Variants in IRF5 observed in about 807,000 individuals in gnomAD.
IRF5 encodes the protein interferon regulatory factor 5.
A neutral mutation model predicts 55.1 loss-of-function variants in IRF5; 24 were observed. The observed-to-expected ratio is 0.44, with a 90% CI of 0.32 to 0.61. The LOEUF is 0.61. Among genes scored for constraint, IRF5 ranks in the 20% least tolerant of loss-of-function variants. The probability of loss-of-function intolerance (pLI) is 0.07; values close to 1 mark genes in which losing one functional copy is unlikely to be tolerated. For missense variants in IRF5, 499 were observed against 658.5 expected, an observed-to-expected ratio of 0.76 and a Z score of 2.65; for synonymous variants, 258 against 260.2, an observed-to-expected ratio of 0.99 and a Z score of 0.08.
In IRF5 at chr7:128,948,089, C is replaced by T; in HGVS notation, c.1148C>T (p.Thr383Ile). The T allele has an allele frequency of 6.2e-7, 1 of 1,614,130 alleles. No homozygotes were observed. Among genetic ancestry groups the T allele is most frequent in the Admixed American group, 1.7e-5 (1 of 60,016 alleles). The change falls in exon 7 of 9, where the codon ACC (threonine) becomes ATC (isoleucine). Residue 383 changes from threonine to isoleucine, a missense_variant. Thr to Ile is a moderately conservative substitution (Grantham distance 89). Around this residue, in one of 2 missense-constraint regions of IRF5, gnomAD observed 194 missense variants for 318.3 expected, o/e 0.61. Coordinates refer to ENST00000357234, the MANE Select transcript of IRF5 (RefSeq NM_001098629.3). The surrounding 1 kb of genome is among the most constrained non-coding windows in gnomAD (Gnocchi z 4.6). ...AACCCCATCCAGCGGGAGGTCAAGA[C>T]CAAGCTTTTCAGCCTGGAGCATTTT... is the stretch of plus-strand genomic sequence containing the variant. ...CPNPIQREVKTKLFSLEHFLN... is the reference protein window; with the variant it reads ...CPNPIQREVKIKLFSLEHFLN...
chr7:128,939,021 A>T (rs1585287027), intron 1 of IRF5, among the ~76,000 whole-genome samples: 1 of 64,784 alleles, frequency 1.5e-5, no homozygotes, highest in African/African-American at 6.3e-5. Context: ...GGTGTGCCCC[A>T]GCGGAGCACG....
Position 128,943,023 on chromosome 7 carries a change from A to ATTTTTTTTTTTT in IRF5, c.195+764_195+775dup, listed in dbSNP as rs34539872. The ATTTTTTTTTTTT allele has an allele frequency of 8.1e-5, 7 of 86,912 alleles. 2 individuals are homozygous for ATTTTTTTTTTTT. The highest frequency in any genetic ancestry group is 3.8e-4 in the African/African-American group (7 of 18,348). 5.4% of individuals were successfully genotyped at this position (86,912 alleles called of 1,614,324 possible). On this transcript the variant is annotated intron_variant, in intron 2 of 8. Transcript: ENST00000357234. ...GCCTCACACTGTTGACCAGATTCCA[A>ATTTTTTTTTTTT]TTTTTTTTTTTTTTTTTTTTTTTTT...
In IRF5 at chr7:128,947,263, A is replaced by C; in HGVS notation, c.515A>C (p.Tyr172Ser). 2 of 1,610,782 alleles carry C rather than the reference A, an allele frequency of 1.2e-6. No homozygotes were observed. The highest frequency in any genetic ancestry group is 1.7e-6 in the Non-Finnish European group (2 of 1,178,678). ...AVQSGPHMTP[Y>S]SLLKEDVKWP... Reference sequence around the variant, plus strand: ...CAGTCTGGCCCCCACATGACACCCTATTCTTTACTCAAAGAGGATGTCAAG... The same window carrying C: ...CAGTCTGGCCCCCACATGACACCCTCTTCTTTACTCAAAGAGGATGTCAAG... Residue 172 changes from tyrosine (Y) to serine (S), a missense_variant, in exon 6 of 9, where the codon TAT (tyrosine) becomes TCT (serine). By Grantham distance (144) the Tyr-to-Ser change is moderately radical (BLOSUM62 -2). Transcript: ENST00000357234. The surrounding 1 kb of genome is among the most constrained non-coding windows in gnomAD (Gnocchi z 6.5).
At chr7:128,945,761 TAG>T in intron 2 of IRF5, 82 bp from the exon 3 acceptor site, 4 of 1,352,440 alleles carry the variant, frequency 3.0e-6, no homozygotes, top group Non-Finnish European at 4.0e-6. Context: ...CCCCACACAG[TAG>T]AGTCTCCTAT....
Position 128,946,444 on chromosome 7 carries a change from G to A in IRF5, c.386-57G>A. The A allele has an allele frequency of 6.4e-7, 1 of 1,558,904 alleles. No homozygotes were observed. Among genetic ancestry groups the A allele is most frequent in the Non-Finnish European group, 8.7e-7 (1 of 1,150,252 alleles). The stretch of plus-strand genomic sequence containing the variant: ...TACAGGCAGCCTCTCAGGGGATCTT[G>A]CTTCTCCTCCGACATTGACTCCTTT... On this transcript the variant is annotated intron_variant, in intron 3 of 8. Coordinates refer to ENST00000357234, the MANE Select transcript of IRF5 (RefSeq NM_001098629.3). The surrounding 1 kb of genome is among the most constrained non-coding windows in gnomAD (Gnocchi z 4.2).
At chr7:128,939,752 G>A (rs1394221966) in intron 1 of IRF5, among the ~76,000 whole-genome samples, 4 of 152,336 alleles carry the variant, frequency 2.6e-5, no homozygotes, top group African/African-American at 9.6e-5. Context: ...CTCTAGGGCT[G>A]CCCACTGGAT....
chr7:128,946,069 G>A lies in IRF5; in HGVS notation c.385+35G>A. The A allele has an allele frequency of 6.5e-7, 1 of 1,541,658 alleles. No homozygotes were observed. The highest frequency in any genetic ancestry group is 8.7e-7 in the Non-Finnish European group (1 of 1,146,570). Reference sequence around the variant, plus strand: ...CTAGCCCTCTGTGGGCCACCTGGGAGGCTGTGCAATGTCCTGGCCCCCAGC... The same window carrying A: ...CTAGCCCTCTGTGGGCCACCTGGGAAGCTGTGCAATGTCCTGGCCCCCAGC... On this transcript the variant is annotated intron_variant, in intron 3 of 8. Coordinates refer to ENST00000357234, the MANE Select transcript of IRF5 (RefSeq NM_001098629.3). The surrounding 1 kb of genome is among the most constrained non-coding windows in gnomAD (Gnocchi z 4.2).
At position 128,948,765 on chromosome 7, in the gene IRF5, G is replaced by C; in HGVS notation, c.1492G>C (p.Gly498Arg). 1 of 1,611,358 alleles carries C rather than the reference G, an allele frequency of 6.2e-7. No individual in the cohort carries two copies. Among genetic ancestry groups the C allele is most frequent in the African/African-American group, 1.3e-5 (1 of 75,066 alleles). The change falls in exon 9 of 9, where the codon GGC becomes CGC. Residue 498 changes from glycine to arginine, a missense_variant. Transcript: ENST00000357234. The surrounding 1 kb of genome is among the most constrained non-coding windows in gnomAD (Gnocchi z 4.6). ...TGTGGCCCAGGCCCCTCCTGGAGCAGGCCTTGGTGTTGGCCAGGGGCCCTG... is the reference window on the plus strand; with the variant it reads ...TGTGGCCCAGGCCCCTCCTGGAGCACGCCTTGGTGTTGGCCAGGGGCCCTG... ...QPVAQAPPGAGLGVGQGPWPM... is the reference protein window; with the variant it reads ...QPVAQAPPGARLGVGQGPWPM...
chr7:128,945,375 G>A (rs1475758332), intron 2 of IRF5, among the ~76,000 whole-genome samples: 2 of 152,246 alleles, frequency 1.3e-5, no homozygotes, highest in Middle Eastern at 3.4e-3. Flanking sequence ...CAAAATGTTG[G>A]GATTACAGGT....
chr7:128,947,758 C>A lies in IRF5; in HGVS notation c.817C>A (p.Arg273=). ...LTDLEIKFQY[R]GRPPRALTIS... Reference sequence around the variant, plus strand: ...CGACCTGGAGATCAAGTTTCAGTACCGGGGGCGGCCACCCCGGGCCCTCAC... The same window carrying A: ...CGACCTGGAGATCAAGTTTCAGTACAGGGGGCGGCCACCCCGGGCCCTCAC... The change falls in exon 7 of 9, where the codon CGG becomes AGG. Residue 273 remains arginine, a synonymous_variant. Transcript: ENST00000357234. The surrounding 1 kb of genome is among the most constrained non-coding windows in gnomAD (Gnocchi z 6.5). 6.2e-7 allele frequency: 1 copy of A among 1,611,136 alleles called. No homozygotes were observed. Among genetic ancestry groups the A allele is most frequent in the Non-Finnish European group, 8.5e-7 (1 of 1,179,312 alleles).
In IRF5 at chr7:128,948,253, C is replaced by T; in HGVS notation, c.1224C>T (p.Pro408=). Residue 408 remains proline, a synonymous_variant, in exon 8 of 9, where the codon CCC becomes CCT. Transcript: ENST00000357234. This position sits in a 1 kb window ranked among gnomAD's most constrained non-coding sequence, Gnocchi z 4.6. ...AGGGCCAGACCAACACCCCACCACC[C>T]TTCGAGATCTTCTTCTGCTTTGGGG... is the stretch of plus-strand genomic sequence containing the variant. ...FQKGQTNTPP[P]FEIFFCFGEE... 1 of 1,613,824 alleles carries T rather than the reference C, an allele frequency of 6.2e-7. No individual in the cohort carries two copies. The highest frequency in any genetic ancestry group is 8.5e-7 in the Non-Finnish European group (1 of 1,179,910).
rs768142143 is a variant in IRF5 at position 128,947,489 on chromosome 7, C to T, written c.741C>T (p.Gly247=). The T allele has an allele frequency of 1.2e-5, 20 of 1,601,500 alleles. No individual in the cohort carries two copies. The highest frequency in any genetic ancestry group is 4.0e-5 in the African/African-American group (3 of 74,508). Residue 247 remains glycine, a synonymous_variant, in exon 6 of 9, where the codon GGC becomes GGT. Coordinates refer to ENST00000357234, the MANE Select transcript of IRF5 (RefSeq NM_001098629.3). This position sits in a 1 kb window ranked among gnomAD's most constrained non-coding sequence, Gnocchi z 6.5. The part of the protein sequence containing the change: ...GPLPASLPPA[G]EQLLPDLLIS... ...TGCCTGCCAGCCTGCCCCCTGCAGG[C>T]GAACAGCTCCTGCCAGACCTGCTGA...
rs61451031 is a variant in IRF5 at position 128,943,707 on chromosome 7, A to ATTTTTTTTT, written c.195+1458_195+1466dup. ...AGGCACCTGCCACCATGCCCGGCTA[A>ATTTTTTTTT]TTTTTTTTTTTTTTTTTTTTTTTTT... On this transcript the variant is annotated intron_variant, in intron 2 of 8. Transcript: ENST00000357234. 4.9e-3 allele frequency among the ~76,000 whole-genome samples: 355 copies of ATTTTTTTTT among 71,968 alleles called. 5 individuals carry two copies. The highest frequency in any genetic ancestry group is 0.013 in the African/African-American group (186 of 14,478). 47.2% of individuals were successfully genotyped at this position (71,968 alleles called of 152,430 possible).
Position 128,946,088 on chromosome 7 carries a change from C to T in IRF5, c.385+54C>T, listed in dbSNP as rs1796285738. On this transcript the variant is annotated intron_variant, in intron 3 of 8. Transcript: ENST00000357234. The surrounding 1 kb of genome is among the most constrained non-coding windows in gnomAD (Gnocchi z 4.2). Reference sequence around the variant, plus strand: ...CTGGGAGGCTGTGCAATGTCCTGGCCCCCAGCCATGAGCTCTTGGGTGCAG... The same window carrying T: ...CTGGGAGGCTGTGCAATGTCCTGGCTCCCAGCCATGAGCTCTTGGGTGCAG... The T allele has an allele frequency of 1.3e-6, 2 of 1,488,812 alleles. No homozygotes were observed. The highest frequency in any genetic ancestry group is 2.8e-5 in the African/African-American group (2 of 70,662). The allele number at this position is 1,488,812 out of a possible 1,614,324, so 92.2% of individuals were successfully genotyped here. A position where few individuals can be genotyped will look rare whatever the true frequency, so the allele number is the denominator to read the frequency against.
Position 128,947,305 on chromosome 7 carries a change from A to AGCCGCCCACTCTGCG in IRF5, c.564_578dup (p.Arg191_Leu195dup), listed in dbSNP as rs1563076648. ...GATGTCAAGTGGCCGCCCACTCTGC[A>AGCCGCCCACTCTGCG]GCCGCCCACTCTGCGGCCGCCTACT... On this transcript the variant is annotated inframe_insertion, in exon 6 of 9. Transcript: ENST00000357234. This position sits in a 1 kb window ranked among gnomAD's most constrained non-coding sequence, Gnocchi z 6.5. The AGCCGCCCACTCTGCG allele has an allele frequency of 1.9e-5, 8 of 417,074 alleles. No individual in the cohort carries two copies. The highest frequency in any genetic ancestry group is 2.7e-5 in the Non-Finnish European group (8 of 294,228). 25.8% of individuals were successfully genotyped at this position (417,074 alleles called of 1,614,324 possible).
Position 128,948,176 on chromosome 7 carries a change from C to A in IRF5, c.1181-34C>A. The A allele has an allele frequency of 6.2e-7, 1 of 1,611,870 alleles. No individual in the cohort carries two copies. The highest frequency in any genetic ancestry group is 8.5e-7 in the Non-Finnish European group (1 of 1,178,504). ...CTGCCTCTTGCCCAGGGCATGGTTCCAGCCTCTGACTAGGGACCTTGATTT... is the reference window on the plus strand; with the variant it reads ...CTGCCTCTTGCCCAGGGCATGGTTCAAGCCTCTGACTAGGGACCTTGATTT... On this transcript the variant is annotated intron_variant, in intron 7 of 8. Transcript: ENST00000357234. This position sits in a 1 kb window ranked among gnomAD's most constrained non-coding sequence, Gnocchi z 4.6.
chr7:128,939,170 C>T (rs1301723561), intron 1 of IRF5, among the ~76,000 whole-genome samples: 1 of 152,072 alleles, frequency 6.6e-6, no homozygotes, highest in African/African-American at 2.4e-5. Context: ...AAACTGTAGC[C>T]CCTCAGGAGG....
At chr7:128,944,711 A>G (rs1196326010) in intron 2 of IRF5, among the ~76,000 whole-genome samples, 1 of 152,208 alleles carries the variant, frequency 6.6e-6, no homozygotes, top group South Asian at 2.1e-4. Context: ...GAAATGCTAG[A>G]TATCTGCATA....
rs558943028 is a variant in IRF5 at position 128,941,919 on chromosome 7, C to T, written c.-11-152C>T. Among the ~76,000 whole-genome samples, 9 of 152,350 alleles carry T rather than the reference C, an allele frequency of 5.9e-5. No homozygotes were observed. In the South Asian group the frequency reaches 1.9e-3, roughly 32 times the overall value. ...AAACACAAAATTCCATGACACTAGA[C>T]AAGAAAGCTGATGCTTGGAAAAGAG... On this transcript the variant is annotated intron_variant, in intron 1 of 8. Coordinates refer to ENST00000357234, the MANE Select transcript of IRF5 (RefSeq NM_001098629.3).
Sources: gnomAD v4.1 joint callset for allele counts (sites outside exome capture counted in the v4.1 genomes callset) on GRCh38, gnomAD v4.1.1 for gene constraint, gnomAD v4.1.1 regional missense constraint, Gnocchi (gnomAD v3.1) non-coding constraint, MANE v1.5 for transcripts, NCBI Gene and HGNC (gene_info 2026-07-23, HGNC 2026-07-21) for gene names.